The following ADGRL3 variants were observed in gnomAD, a reference collection of about 807,000 sequenced individuals.
ADGRL3 encodes adhesion G protein-coupled receptor L3.
Under a neutral mutation model 153.5 loss-of-function variants are expected in ADGRL3, and 62 were observed. The ratio of observed to expected loss-of-function variants is 0.40; its 90% CI spans 0.33 to 0.50. The LOEUF (loss-of-function observed/expected upper bound fraction) is 0.50, where lower values mean the gene tolerates loss of function less well. Ranked by LOEUF, ADGRL3 falls within the 20% of genes least tolerant of loss-of-function variation. The pLI, the probability that ADGRL3 is intolerant of heterozygous loss-of-function variation, is 0.47. For missense variants in ADGRL3, 1,641 were observed against 1,859.4 expected (o/e 0.88, Z 2.16); for synonymous variants, 710 against 672.5 (o/e 1.06, Z -0.86).
intron 6 of ADGRL3, among the ~76,000 whole-genome samples, chr4:61,704,518 C>T (rs1214799809): frequency 1.3e-5 from 2 of 152,128 alleles, no homozygotes; most frequent in African/African-American, 2.4e-5. Context: ...CTGGTGGAAG[C>T]TCTCGCCTTG....
At chr4:61,757,699 T>C (rs546247486) in intron 8 of ADGRL3, among the ~76,000 whole-genome samples, 154 of 152,344 alleles carry the variant, frequency 1.0e-3, no homozygotes, top group Middle Eastern at 3.4e-3. Flanking sequence ...TCTAGTTCTT[T>C]TAATTGTGAT....
intron 13 of ADGRL3, 91 bp downstream of exon 13, chr4:61,912,848 A>G: frequency 8.2e-7 from 1 of 1,214,344 alleles, no homozygotes; most frequent in Non-Finnish European, 1.2e-6. Flanking sequence ...ATGATAATGT[A>G]CCTTACTGAA....
chr4:61,486,933 C>T (rs929009213), intron 2 of ADGRL3, among the ~76,000 whole-genome samples: 1 of 152,086 alleles, frequency 6.6e-6, no homozygotes, highest in African/African-American at 2.4e-5. Context: ...TTCAGATGTG[C>T]CAAAGACATA....
chr4:61,599,725 G>A (rs1381582342), intron 5 of ADGRL3, among the ~76,000 whole-genome samples: 2 of 152,270 alleles, frequency 1.3e-5, no homozygotes, highest in East Asian at 1.9e-4. Flanking sequence ...TTGGGGAAAA[G>A]GGGTTCTGGT....
intron 1 of ADGRL3, among the ~76,000 whole-genome samples, chr4:61,325,482 G>T (rs1227651734): frequency 6.6e-6 from 1 of 152,138 alleles, no homozygotes; most frequent in African/African-American, 2.4e-5. Flanking sequence ...AACTTTCTCA[G>T]TAGCTCAGTA....
intron 4 of ADGRL3, among the ~76,000 whole-genome samples, chr4:61,565,908 T>A (rs2098814498): frequency 1.3e-5 from 2 of 152,188 alleles, no homozygotes; most frequent in Admixed American, 1.3e-4. Context: ...CTAATTTTCT[T>A]GGGTTTTCAT....
chr4:61,726,210 G>GTTTTTTTTTTTTTTTTTGTTTGT (rs149472429), intron 6 of ADGRL3, among the ~76,000 whole-genome samples: 1 of 118,480 alleles, frequency 8.4e-6, no homozygotes, highest in Non-Finnish European at 1.7e-5. Context: ...TTTTTTTTTT[G>GTTTTTTTTTTTTTTTTTGTTTGT]TTTTTTGAGA....
chr4:61,683,983 T>G (rs1003846517), intron 6 of ADGRL3, among the ~76,000 whole-genome samples: 15 of 152,178 alleles, frequency 9.9e-5, no homozygotes. Context: ...AGGGCAATCA[T>G]TTTTAGCAGA....
chr4:61,546,136 T>C (rs1311822589), intron 4 of ADGRL3, among the ~76,000 whole-genome samples: 1 of 152,180 alleles, frequency 6.6e-6, no homozygotes. Flanking sequence ...TCCAGAGCAC[T>C]GAGAGGGAAC....
chr4:61,895,548 T>C (rs2098625432), intron 10 of ADGRL3, among the ~76,000 whole-genome samples, 183 bp from the exon 11 acceptor site: 1 of 152,166 alleles, frequency 6.6e-6, no homozygotes, highest in African/African-American at 2.4e-5. Context: ...ACATATTGTA[T>C]GTTTTTGTTT....
intron 8 of ADGRL3, among the ~76,000 whole-genome samples, chr4:61,761,847 C>T (rs1363290735): frequency 1.3e-5 from 2 of 152,134 alleles, no homozygotes; most frequent in Admixed American, 6.5e-5. Context: ...GAGAGGAGTG[C>T]TTGTGCCCAG....
chr4:62,000,531 A>T (rs1306581429), intron 21 of ADGRL3, among the ~76,000 whole-genome samples: 4 of 152,108 alleles, frequency 2.6e-5, no homozygotes, highest in African/African-American at 9.7e-5. Context: ...TAAAGTCTTA[A>T]ATGAAAATAT....
intron 12 of ADGRL3, 44 bp from the exon 13 acceptor site, chr4:61,912,675 G>GT (rs1489791386): frequency 1.1e-5 from 17 of 1,581,408 alleles, no homozygotes; most frequent in East Asian, 2.2e-5. Flanking sequence ...TCACTAACTT[G>GT]TTTTTTCTAT....
intron 5 of ADGRL3, among the ~76,000 whole-genome samples, chr4:61,666,778 T>A (rs2094814474): frequency 6.6e-6 from 1 of 152,146 alleles, no homozygotes; most frequent in Non-Finnish European, 1.5e-5. Context: ...TGAATTCAAG[T>A]ACATACTCCA....
At chr4:61,247,863 C>A (rs72614715) in intron 1 of ADGRL3, among the ~76,000 whole-genome samples, 1 of 151,900 alleles carries the variant, frequency 6.6e-6, no homozygotes. Context: ...GATACCATAA[C>A]GATACTTTAT....
At chr4:61,242,575 A>G (rs775860925) in intron 1 of ADGRL3, among the ~76,000 whole-genome samples, 23 of 152,022 alleles carry the variant, frequency 1.5e-4, no homozygotes, top group African/African-American at 3.1e-4. Flanking sequence ...CTGAACCCCA[A>G]CGAAAACCAG....
Position 61,200,504 on chromosome 4 carries a change from C to CCGCCGG in ADGRL3, c.-1496_-1495insGCGCCG, listed in dbSNP as rs1206698374. Among the ~76,000 whole-genome samples the CCGCCGG allele has an allele frequency of 6.6e-6, 1 of 151,274 alleles. No individual in the cohort carries two copies. Among genetic ancestry groups the CCGCCGG allele is most frequent in the African/African-American group, 2.4e-5 (1 of 41,238 alleles). ...ATGCTGCAGCTGGTCGGGGTGGGCGCCGCCGCCGCCGCCGCCGCCGCTGCT... is the reference window on the plus strand; with the variant it reads ...ATGCTGCAGCTGGTCGGGGTGGGCGCCGCCGGCGCCGCCGCCGCCGCCGCCGCTGCT... On this transcript the variant is annotated 5_prime_UTR_variant, in exon 1 of 27. Coordinates refer to ENST00000683033, the MANE Select transcript of ADGRL3 (RefSeq NM_001387552.1).
At chr4:61,793,046 C>T (rs2097363339) in intron 8 of ADGRL3, among the ~76,000 whole-genome samples, 2 of 151,280 alleles carry the variant, frequency 1.3e-5, no homozygotes, top group East Asian at 3.9e-4. Flanking sequence ...ACAATCATGG[C>T]AGAAGGCAAG....
intron 21 of ADGRL3, among the ~76,000 whole-genome samples, chr4:62,019,734 AT>A (rs1434052290): frequency 6.6e-6 from 1 of 152,088 alleles, no homozygotes; most frequent in Non-Finnish European, 1.5e-5. Context: ...GTGCAGTGTA[AT>A]TTTTTTCAAA....
Sources: allele counts gnomAD v4.1 joint callset (sites outside exome capture counted in the v4.1 genomes callset), GRCh38; gene constraint gnomAD v4.1.1; transcripts MANE v1.5; gene names NCBI Gene and HGNC (gene_info 2026-07-23, HGNC 2026-07-21).